Variants in EYA1 observed in about 807,000 individuals in gnomAD.
The protein encoded by EYA1 is protein phosphatase EYA1.
EYA1 carries 16 observed loss-of-function variants against 82.0 expected under a neutral mutation model. The observed-to-expected ratio is 0.20, with a 90% CI of 0.13 to 0.30. EYA1 has a LOEUF of 0.30. EYA1 is among the 10% of genes least tolerant of loss of function. The pLI is 1.00. For synonymous variants in EYA1, 261 were observed against 264.4 expected (o/e 0.99, Z 0.12); for missense variants, 633 against 730.7 (o/e 0.87, Z 1.54).
intron 2 of EYA1, among the ~76,000 whole-genome samples, chr8:71,428,446 T>C (rs1268069245): frequency 2.0e-5 from 3 of 152,172 alleles, no homozygotes; most frequent in Non-Finnish European, 2.9e-5. Context: ...TACCAAAAAA[T>C]TGTAATGCAA....
chr8:71,243,217 C>T (rs148608600), intron 12 of EYA1, among the ~76,000 whole-genome samples: 1 of 152,300 alleles, frequency 6.6e-6, no homozygotes, highest in East Asian at 1.9e-4. Flanking sequence ...AATCAGTCTA[C>T]TCTGTATCTT....
chr8:71,378,951 A>C (rs559122185), intron 2 of EYA1, among the ~76,000 whole-genome samples: 1 of 152,352 alleles, frequency 6.6e-6, no homozygotes, highest in African/African-American at 2.4e-5. Context: ...CTGTAAATTG[A>C]CTTTTAGCTT....
chr8:71,442,362 A>G (rs1806494149), intron 2 of EYA1, among the ~76,000 whole-genome samples: 1 of 152,214 alleles, frequency 6.6e-6, no homozygotes, highest in Non-Finnish European at 1.5e-5. Flanking sequence ...TTAGAAAACA[A>G]GATTCCTAGA....
At chr8:71,262,337 T>C (rs1815230240) in intron 11 of EYA1, among the ~76,000 whole-genome samples, 1 of 152,248 alleles carries the variant, frequency 6.6e-6, no homozygotes. Context: ...TTGCTTATGA[T>C]TTCTGCCACT....
At chr8:71,270,732 C>T (rs572703436) in intron 10 of EYA1, among the ~76,000 whole-genome samples, 1 of 152,336 alleles carries the variant, frequency 6.6e-6, no homozygotes, top group African/African-American at 2.4e-5. Flanking sequence ...CTTTTGAACT[C>T]CCCCAAAATA....
intron 2 of EYA1, chr8:71,531,295 A>G (rs1814255092): frequency 1.3e-5 from 2 of 152,238 alleles, no homozygotes; most frequent in Non-Finnish European, 2.9e-5. Flanking sequence ...AGAGAAGGCA[A>G]ATATTATCAT....
intron 2 of EYA1, among the ~76,000 whole-genome samples, chr8:71,480,721 G>T (rs1810074818): frequency 6.7e-6 from 1 of 148,282 alleles, no homozygotes; most frequent in Non-Finnish European, 1.5e-5. Flanking sequence ...ATATCTGCAT[G>T]AAAAAAAAAC....
Position 71,271,773 on chromosome 8 carries a change from T to C in EYA1, c.951A>G (p.Pro317=), listed in dbSNP as rs757365993. The change falls in exon 10 of 18, where the codon CCA becomes CCG. Residue 317 remains proline (P), a synonymous_variant. Coordinates refer to ENST00000340726, the MANE Select transcript of EYA1 (RefSeq NM_000503.6). The stretch of plus-strand genomic sequence containing the variant: ...TATGACGTACCTCAAGATCAGAATC[T>C]GGGGGAGGTGAAGGATTATTGTTTC... The part of the protein sequence containing the change: ...GRRNNNPSPP[P]DSDLERVFIW... 3.1e-6 allele frequency: 5 copies of C among 1,614,078 alleles called. No homozygotes were observed. Among genetic ancestry groups the C allele is most frequent in the African/African-American group, 1.3e-5 (1 of 74,922 alleles).
chr8:71,242,129 C>T (rs931827838), intron 12 of EYA1, among the ~76,000 whole-genome samples: 1 of 152,228 alleles, frequency 6.6e-6, no homozygotes, highest in Non-Finnish European at 1.5e-5. Flanking sequence ...TTGCTTGAAC[C>T]TGGGAGGCAG....
At chr8:71,272,942 C>A (rs774986017) in intron 9 of EYA1, among the ~76,000 whole-genome samples, 4 of 152,174 alleles carry the variant, frequency 2.6e-5, no homozygotes, top group African/African-American at 4.8e-5. Flanking sequence ...TTGAAGAGAA[C>A]AACTGAAGGC....
At chr8:71,512,759 A>G (rs10101641) in intron 2 of EYA1, among the ~76,000 whole-genome samples, 8,264 of 152,218 alleles carry the variant, frequency 0.054, 784 homozygotes, top group African/African-American at 0.19. Context: ...CTGAAATTAT[A>G]ATTAAACTTT....
chr8:71,447,536 A>G (rs1687695770), intron 2 of EYA1, among the ~76,000 whole-genome samples: 2 of 152,112 alleles, frequency 1.3e-5, no homozygotes, highest in African/African-American at 4.8e-5. Flanking sequence ...TTATTTTAAA[A>G]TTTCTATCTA....
intron 11 of EYA1, among the ~76,000 whole-genome samples, chr8:71,253,325 G>A (rs1813975879): frequency 6.6e-6 from 1 of 152,028 alleles, no homozygotes; most frequent in African/African-American, 2.4e-5. Context: ...CCCACTCCAG[G>A]AAGAAGATAA....
At chr8:71,396,118 C>T (rs955114849) in intron 2 of EYA1, among the ~76,000 whole-genome samples, 2 of 152,134 alleles carry the variant, frequency 1.3e-5, no homozygotes, top group African/African-American at 4.8e-5. Flanking sequence ...GTTTGTATTT[C>T]TGTGGGATCG....
chr8:71,246,174 T>C (rs2128907639), intron 11 of EYA1, among the ~76,000 whole-genome samples: 1 of 152,248 alleles, frequency 6.6e-6, no homozygotes, highest in East Asian at 1.9e-4. Flanking sequence ...CTATTAATAA[T>C]ACCAACTTTC....
intron 1 of EYA1, among the ~76,000 whole-genome samples, chr8:71,542,034 T>C (rs1815178443): frequency 6.6e-6 from 1 of 152,302 alleles, no homozygotes; most frequent in Middle Eastern, 3.4e-3. Flanking sequence ...TCTTACTTTA[T>C]TCAAAAGGAG....
intron 2 of EYA1, among the ~76,000 whole-genome samples, chr8:71,373,025 A>C (rs193182919): frequency 2.6e-5 from 4 of 152,230 alleles, no homozygotes; most frequent in African/African-American, 9.6e-5. Flanking sequence ...AGCTAACATC[A>C]TAATCGATGA....
At chr8:71,336,405 G>T (rs1177444131) in intron 3 of EYA1, among the ~76,000 whole-genome samples, 2 of 152,170 alleles carry the variant, frequency 1.3e-5, no homozygotes, top group Non-Finnish European at 2.9e-5. Context: ...GAAAAAAATT[G>T]TTCCACTGCG....
At chr8:71,472,788 G>GAGATATATATAT (rs71555582) in intron 2 of EYA1, among the ~76,000 whole-genome samples, 38 of 126,840 alleles carry the variant, frequency 3.0e-4, no homozygotes, top group East Asian at 1.1e-3. Context: ...TAGCTTTGAA[G>GAGATATATATAT]ATATATATAT....
Sources: allele counts gnomAD v4.1 joint callset (sites outside exome capture counted in the v4.1 genomes callset), GRCh38; gene constraint gnomAD v4.1.1; transcripts MANE v1.5; gene names NCBI Gene and HGNC (gene_info 2026-07-23, HGNC 2026-07-21).